CTNNA2: variants seen among roughly 807,000 people sequenced by gnomAD.
CTNNA2 encodes the protein catenin alpha 2.
In CTNNA2, 42 loss-of-function variants were observed where a neutral mutation model predicts 101.0. The observed-to-expected ratio is 0.42, with a 90% confidence interval of 0.32 to 0.54. The LOEUF (loss-of-function observed/expected upper bound fraction) is 0.54. Ranked by LOEUF, CTNNA2 falls within the 20% of genes least tolerant of loss-of-function variation. CTNNA2 has a pLI of 0.14. For synonymous variants in CTNNA2, 450 were observed against 456.4 expected (o/e 0.99, Z 0.18); for missense variants, 871 against 1,223.1 (o/e 0.71, Z 4.29).
At chr2:79,277,355 C>G (rs1290238877) in intron 2 of CTNNA2, among the ~76,000 whole-genome samples, 1 of 152,018 alleles carries the variant, frequency 6.6e-6, no homozygotes, top group East Asian at 1.9e-4. Flanking sequence ...CCTCATTGTG[C>G]TCATTTATTA....
intron 6 of CTNNA2, among the ~76,000 whole-genome samples, chr2:79,875,660 A>G (rs929410399): frequency 6.6e-6 from 1 of 152,164 alleles, no homozygotes; most frequent in African/African-American, 2.4e-5. Context: ...CCATTTTCAT[A>G]GTGGTCTCTC....
At chr2:79,786,683 C>T (rs1325345236) in intron 3 of CTNNA2, among the ~76,000 whole-genome samples, 2 of 152,000 alleles carry the variant, frequency 1.3e-5, no homozygotes, top group Non-Finnish European at 2.9e-5. Flanking sequence ...TAGAGGAGTA[C>T]CATCCCATAC....
intron 7 of CTNNA2, among the ~76,000 whole-genome samples, chr2:80,245,794 C>CT (rs34625586): frequency 0.025 from 1,454 of 58,982 alleles, 350 homozygotes; most frequent in Middle Eastern, 0.039. Context: ...TATGATTTAA[C>CT]TTTTTTTTTT....
At chr2:80,168,020 A>G (rs1558869158) in intron 7 of CTNNA2, among the ~76,000 whole-genome samples, 1 of 152,270 alleles carries the variant, frequency 6.6e-6, no homozygotes, top group East Asian at 1.9e-4. Flanking sequence ...TCTTTGCCAT[A>G]ACCAGTCTAC....
intron 7 of CTNNA2, among the ~76,000 whole-genome samples, chr2:80,023,467 G>GC (rs551380514): frequency 1.3e-5 from 2 of 151,856 alleles, no homozygotes; most frequent in Admixed American, 1.3e-4. Context: ...TTCAGGCTCT[G>GC]TTTTTTTTCA....
At chr2:80,055,528 A>T (rs2104352335) in intron 7 of CTNNA2, among the ~76,000 whole-genome samples, 1 of 152,288 alleles carries the variant, frequency 6.6e-6, no homozygotes, top group South Asian at 2.1e-4. Flanking sequence ...TTATTATTTT[A>T]GTTGCTAAAA....
At chr2:79,328,220 C>T (rs958409610) in intron 3 of CTNNA2, among the ~76,000 whole-genome samples, 1 of 151,862 alleles carries the variant, frequency 6.6e-6, no homozygotes, top group Non-Finnish European at 1.5e-5. Context: ...GACAATGGTA[C>T]AGGGAGAAAA....
chr2:79,654,492 C>T (rs186723052), intron 2 of CTNNA2, among the ~76,000 whole-genome samples: 73 of 152,228 alleles, frequency 4.8e-4, no homozygotes, highest in African/African-American at 1.3e-3. Context: ...CAGATCCCTC[C>T]GATTTCAGCT....
At chr2:80,416,673 T>C (rs1680074410) in intron 8 of CTNNA2, among the ~76,000 whole-genome samples, 1 of 152,068 alleles carries the variant, frequency 6.6e-6, no homozygotes, top group South Asian at 2.1e-4. Flanking sequence ...TATGTCTTTA[T>C]TGTCAGAGTA....
chr2:80,020,887 G>T (rs1221067484), intron 7 of CTNNA2, among the ~76,000 whole-genome samples: 1 of 151,574 alleles, frequency 6.6e-6, no homozygotes, highest in Non-Finnish European at 1.5e-5. Context: ...ATTTGACCTG[G>T]TATGCTGTGG....
intron 4 of CTNNA2, among the ~76,000 whole-genome samples, chr2:79,461,541 C>T (rs1670879161): frequency 6.6e-6 from 1 of 152,074 alleles, no homozygotes; most frequent in Admixed American, 6.6e-5. Context: ...GCTTCAGTCC[C>T]CACCTCATAT....
chr2:79,374,755 A>G (rs908111233), intron 4 of CTNNA2, among the ~76,000 whole-genome samples: 10 of 87,296 alleles, frequency 1.1e-4, no homozygotes, highest in Admixed American at 1.0e-3. Flanking sequence ...TACAAATGTT[A>G]ACTCCATGAG....
At chr2:79,461,088 C>T (rs112420798) in intron 4 of CTNNA2, among the ~76,000 whole-genome samples, 28,034 of 152,144 alleles carry the variant, frequency 0.18, 2,694 homozygotes, top group Middle Eastern at 0.32. Context: ...GTGATCCCCC[C>T]GCCTCAGCCT....
At position 80,331,432 on chromosome 2, in the gene CTNNA2, T is replaced by C. The variant is rs558717457; in HGVS notation, c.1057-61779T>C. Among the ~76,000 whole-genome samples, 3 of 152,236 alleles carry C rather than the reference T, an allele frequency of 2.0e-5. No individual in the cohort carries two copies. In the East Asian group the frequency reaches 5.8e-4, roughly 29 times the overall value. On this transcript the variant is annotated intron_variant, in intron 7 of 18. Coordinates refer to ENST00000402739, the MANE Select transcript of CTNNA2 (RefSeq NM_001282597.3). ...CAAAGAAACTGATTGCAGAGATAAGTCGATTGGGAAATAGGGTTGCACATC... is the reference window on the plus strand; with the variant it reads ...CAAAGAAACTGATTGCAGAGATAAGCCGATTGGGAAATAGGGTTGCACATC...
rs144432774 is a variant in CTNNA2 at position 80,063,998 on chromosome 2, A to T, written c.1056+154201A>T. Among the ~76,000 whole-genome samples, 378 of 152,378 alleles carry T rather than the reference A, an allele frequency of 2.5e-3. 2 individuals carry two copies. Among genetic ancestry groups the T allele is most frequent in the African/African-American group, 8.7e-3 (360 of 41,592 alleles). On this transcript the variant is annotated intron_variant, in intron 7 of 18. Transcript: ENST00000402739. Reference sequence around the variant, plus strand: ...TAAACTGAAAATAAAATAAAGAGAAAGATGTTCAGATTATTGAAAACAAAA... The same window carrying T: ...TAAACTGAAAATAAAATAAAGAGAATGATGTTCAGATTATTGAAAACAAAA...
At chr2:79,777,691 C>T (rs550543803) in intron 3 of CTNNA2, among the ~76,000 whole-genome samples, 7 of 152,224 alleles carry the variant, frequency 4.6e-5, no homozygotes, top group Non-Finnish European at 1.0e-4. Context: ...GGGAATCTGA[C>T]CTGATTTTAT....
At chr2:79,275,461 T>C (rs943889027) in intron 2 of CTNNA2, among the ~76,000 whole-genome samples, 1 of 152,054 alleles carries the variant, frequency 6.6e-6, no homozygotes, top group Non-Finnish European at 1.5e-5. Flanking sequence ...CAGGCTCAGA[T>C]GTCAAGTAAT....
chr2:79,436,251 G>A (rs1188561210), intron 4 of CTNNA2, among the ~76,000 whole-genome samples: 2 of 152,180 alleles, frequency 1.3e-5, no homozygotes, highest in Non-Finnish European at 2.9e-5. Context: ...CAAACAGGAG[G>A]AGGACAAATG....
At chr2:79,854,969 T>G (rs1681013359) in intron 3 of CTNNA2, among the ~76,000 whole-genome samples, 2 of 152,220 alleles carry the variant, frequency 1.3e-5, no homozygotes, top group Admixed American at 1.3e-4. Flanking sequence ...TTCAGTAATC[T>G]TAAAGCTGCA....
Sources: allele counts gnomAD v4.1 joint callset (sites outside exome capture counted in the v4.1 genomes callset), GRCh38; gene constraint gnomAD v4.1.1; transcripts MANE v1.5; gene names NCBI Gene and HGNC (gene_info 2026-07-23, HGNC 2026-07-21).